GLS2: variants seen among roughly 807,000 people sequenced by gnomAD.
GLS2 encodes glutaminase 2, also known as glutaminase liver isoform, mitochondrial.
Under a neutral mutation model 79.0 loss-of-function variants are expected in GLS2, and 52 were observed. The observed-to-expected ratio is 0.66, with a 90% CI of 0.53 to 0.83. The LOEUF is 0.83. Among genes scored for constraint, GLS2 ranks in the 40% least tolerant of loss-of-function variants. The probability of loss-of-function intolerance (pLI) is 0.00; values close to 1 mark genes in which losing one functional copy is unlikely to be tolerated. For missense variants in GLS2, 561 were observed against 764.8 expected (o/e 0.73, Z 3.14); for synonymous variants, 238 against 280.8 (o/e 0.85, Z 1.52).
Position 56,478,009 on chromosome 12 carries a change from G to A in GLS2, c.702C>T (p.Gly234=). 6.2e-7 allele frequency: 1 copy of A among 1,614,266 alleles called. No homozygotes were observed. Among genetic ancestry groups the A allele is most frequent in the South Asian group, 1.1e-5 (1 of 91,090 alleles). The change falls in exon 6 of 18, where the codon GGC becomes GGT. Residue 234 remains glycine (G), a synonymous_variant. Coordinates refer to ENST00000311966, the MANE Select transcript of GLS2 (RefSeq NM_013267.4). ...LTYAISISTL[G]TDYVHKFVGK... is the part of the protein sequence containing the mutation. Reference sequence around the variant, plus strand: ...CCACAAACTTGTGCACGTAGTCAGTGCCTAGGGTGCTTATGGAGATGGCAT... The same window carrying A: ...CCACAAACTTGTGCACGTAGTCAGTACCTAGGGTGCTTATGGAGATGGCAT...
In GLS2 at chr12:56,478,007, G is replaced by C; in HGVS notation, c.704C>G (p.Thr235Ser). The stretch of plus-strand genomic sequence containing the variant: ...GCCCACAAACTTGTGCACGTAGTCA[G>C]TGCCTAGGGTGCTTATGGAGATGGC... The part of the protein sequence containing the change: ...TYAISISTLG[T>S]DYVHKFVGKE... Residue 235 changes from threonine (T) to serine (S), a missense_variant, in exon 6 of 18, where the codon ACT becomes AGT. Thr to Ser is a moderately conservative substitution (Grantham distance 58). Around this residue, in one of 4 missense-constraint regions of GLS2, gnomAD observed 221 missense variants for 275.6 expected, o/e 0.80. Coordinates refer to ENST00000311966, the MANE Select transcript of GLS2 (RefSeq NM_013267.4). The C allele has an allele frequency of 1.2e-6, 2 of 1,614,240 alleles. No homozygotes were observed. Among genetic ancestry groups the C allele is most frequent in the Non-Finnish European group, 1.7e-6 (2 of 1,180,046 alleles).
intron 7 of GLS2, chr12:56,476,719 C>G (rs1052426767): frequency 6.6e-6 from 1 of 151,896 alleles, no homozygotes; most frequent in Non-Finnish European, 1.5e-5. Flanking sequence ...CTTAGCCTCC[C>G]GAGCAGCTGG....
rs935626804 is a variant in GLS2, at chr12:56,477,699, C to T, written c.798G>A (p.Met266Ile). The T allele has an allele frequency of 6.2e-7, 1 of 1,613,362 alleles. No individual in the cohort carries two copies. Residue 266 changes from methionine (M) to isoleucine (I), a missense_variant, in exon 7 of 18, where the codon ATG (methionine) becomes ATA (isoleucine). By Grantham distance (10) the Met-to-Ile change is conservative (BLOSUM62 1). Around this residue, in one of 4 missense-constraint regions of GLS2, gnomAD observed 221 missense variants for 275.6 expected, o/e 0.80. Coordinates refer to ENST00000311966, the MANE Select transcript of GLS2 (RefSeq NM_013267.4). ...TGACAACAATGGCACCAGCATTGAC[C>T]ATGGGGTTATGGGGGATTCCTGGGG... ...LNEEGIPHNP[M>I]VNAGAIVVSS...
Position 56,471,883 on chromosome 12 carries a change from C to G in GLS2, c.1589-47G>C, listed in dbSNP as rs953259692. Reference sequence around the variant, plus strand: ...AAATGAGAAGGCGCAGGTCTTGAACCCTTTGGTGCAGACACTTAGCCACTG... The same window carrying G: ...AAATGAGAAGGCGCAGGTCTTGAACGCTTTGGTGCAGACACTTAGCCACTG... On this transcript the variant is annotated intron_variant, in intron 16 of 17. Coordinates refer to ENST00000311966, the MANE Select transcript of GLS2 (RefSeq NM_013267.4). 4 of 1,588,322 alleles carry G rather than the reference C, an allele frequency of 2.5e-6. No homozygotes were observed. The Admixed American group carries it at 6.7e-5, about 26-fold the overall frequency.
At chr12:56,487,464 G>C (rs973410260) in intron 1 of GLS2, 4 of 177,822 alleles carry the variant, frequency 2.2e-5, no homozygotes, top group African/African-American at 7.2e-5. Flanking sequence ...ACGTACCTGC[G>C]CACCAATAAT....
chr12:56,485,574 T>C (rs1467958069), intron 1 of GLS2, among the ~76,000 whole-genome samples: 2 of 152,148 alleles, frequency 1.3e-5, no homozygotes, highest in Non-Finnish European at 2.9e-5. Flanking sequence ...TCTAAATTTA[T>C]ATATTTTTTA....
At chr12:56,482,885 C>A (rs960239793) in intron 1 of GLS2, among the ~76,000 whole-genome samples, 1 of 152,110 alleles carries the variant, frequency 6.6e-6, no homozygotes, top group African/African-American at 2.4e-5. Flanking sequence ...GCGTGAGCCA[C>A]CGCACCCAGC....
intron 12 of GLS2, 93 bp from the exon 13 acceptor site, chr12:56,473,687 G>GT: frequency 1.4e-6 from 2 of 1,449,740 alleles, no homozygotes; most frequent in Non-Finnish European, 1.8e-6. Context: ...GTTTACAAAT[G>GT]ACTGCATGAC....
rs779984533 is a variant in GLS2 at position 56,475,010 on chromosome 12, C to T, written c.996+34G>A. ...TGCCCTTCCACTAGCAGCAGAATTCCCAGGGACTTTCTCTTCCGGCCTCTT... is the reference window on the plus strand; with the variant it reads ...TGCCCTTCCACTAGCAGCAGAATTCTCAGGGACTTTCTCTTCCGGCCTCTT... On this transcript the variant is annotated intron_variant, in intron 10 of 17. Coordinates refer to ENST00000311966, the MANE Select transcript of GLS2 (RefSeq NM_013267.4). 5.0e-6 allele frequency: 8 copies of T among 1,613,852 alleles called. No homozygotes were observed. In the African/African-American group the frequency reaches 9.3e-5, roughly 19 times the overall value.
At chr12:56,482,633 C>A (rs1282012325) in intron 1 of GLS2, among the ~76,000 whole-genome samples, 1 of 152,226 alleles carries the variant, frequency 6.6e-6, no homozygotes, top group Non-Finnish European at 1.5e-5. Context: ...ATAAGAATTA[C>A]TAAGTTGTAT....
chr12:56,473,080 C>T, intron 14 of GLS2, 148 bp downstream of exon 14: 1 of 711,802 alleles, frequency 1.4e-6, no homozygotes, highest in Non-Finnish European at 2.3e-6. Context: ...CAATAGAGAC[C>T]AGGTTTCACC....
At chr12:56,473,896 C>A in intron 12 of GLS2, 1 of 275,396 alleles carries the variant, frequency 3.6e-6, no homozygotes, top group Non-Finnish European at 6.8e-6. Context: ...TAAATAGACA[C>A]GTAATGTTTA....
intron 3 of GLS2, 57 bp from the exon 4 acceptor site, chr12:56,479,238 C>T: frequency 6.3e-7 from 1 of 1,590,484 alleles, no homozygotes; most frequent in Non-Finnish European, 8.5e-7. Flanking sequence ...GGGACTCACT[C>T]TGGAGCCACG....
At chr12:56,473,847 TC>T in intron 12 of GLS2, 1 of 408,962 alleles carries the variant, frequency 2.4e-6, no homozygotes, top group South Asian at 5.6e-5. Flanking sequence ...ACTAGGAACT[TC>T]CATTCTGGTG....
At chr12:56,475,534 A>AT in intron 9 of GLS2, 90 bp downstream of exon 9, 1 of 1,353,482 alleles carries the variant, frequency 7.4e-7, no homozygotes, top group Non-Finnish European at 1.0e-6. Flanking sequence ...TCCTCCTAAG[A>AT]TTCTCTCTCC....
Position 56,471,639 on chromosome 12 carries a change from C to T in GLS2, c.1657G>A (p.Gly553Ser). 1 of 1,613,856 alleles carries T rather than the reference C, an allele frequency of 6.2e-7. No homozygotes were observed. Among genetic ancestry groups the T allele is most frequent in the East Asian group, 2.2e-5 (1 of 44,878 alleles). The change falls in exon 18 of 18, where the codon GGC (glycine) becomes AGC (serine). Residue 553 changes from glycine to serine, a missense_variant. Physicochemically the swap from Gly to Ser is moderately conservative, Grantham distance 56. Around this residue, in one of 4 missense-constraint regions of GLS2, gnomAD observed 136 missense variants for 228.6 expected, o/e 0.59. Transcript: ENST00000311966. ...KVNPFAKDRW[G>S]NIPLDDAVQF... ...ACAGCATCATCCAGGGGAATGTTGC[C>T]CCACCTGAGAGGAATAATGATATGA...
At chr12:56,473,144 C>G in intron 14 of GLS2, 84 bp downstream of exon 14, 1 of 1,281,722 alleles carries the variant, frequency 7.8e-7, no homozygotes, top group Non-Finnish European at 1.1e-6. Flanking sequence ...CCGCCTTGGC[C>G]TCTCAAAGTG....
rs1869415077 is a variant in GLS2, at chr12:56,472,832, C to T, written c.1450-81G>A. The T allele has an allele frequency of 5.1e-5, 57 of 1,123,112 alleles. No individual in the cohort carries two copies. In the South Asian group the frequency reaches 6.7e-4, roughly 13 times the overall value. The allele number at this position is 1,123,112 out of a possible 1,614,324, so 69.6% of individuals were successfully genotyped here. A position where few individuals can be genotyped will look rare whatever the true frequency, so the allele number is the denominator to read the frequency against. ...GCCCTGTGACCCTCCTCCATGGATG[C>T]TTAGTCCAAGGGTATTGCTGAAGTG... On this transcript the variant is annotated intron_variant, in intron 14 of 17. Transcript: ENST00000311966.
intron 1 of GLS2, 137 bp from the exon 2 acceptor site, chr12:56,480,524 T>A: frequency 1.5e-6 from 1 of 678,616 alleles, no homozygotes; most frequent in East Asian, 2.7e-5. Flanking sequence ...TCTATCCCTA[T>A]AAATCTAACT....
Sources: allele counts gnomAD v4.1 joint callset (sites outside exome capture counted in the v4.1 genomes callset), GRCh38; gene constraint gnomAD v4.1.1; regional missense constraint gnomAD v4.1.1; transcripts MANE v1.5; gene names NCBI Gene and HGNC (gene_info 2026-07-23, HGNC 2026-07-21).